Variants in ZNF407 observed in about 807,000 individuals in gnomAD.
ZNF407 encodes zinc finger protein 407.
Under a neutral mutation model 131.2 loss-of-function variants are expected in ZNF407, and 17 were observed. That is an observed-to-expected ratio of 0.13 (90% confidence interval 0.09 to 0.19). The LOEUF (loss-of-function observed/expected upper bound fraction) is 0.19, where lower values mean the gene tolerates loss of function less well. Among genes scored for constraint, ZNF407 ranks in the 10% least tolerant of loss-of-function variants. The probability of loss-of-function intolerance (pLI) is 1.00; values close to 1 mark genes in which losing one functional copy is unlikely to be tolerated. For synonymous variants in ZNF407, 1,156 were observed against 1,062.0 expected, an observed-to-expected ratio of 1.09 and a Z score of -1.72; for missense variants, 2,681 against 2,830.6, an observed-to-expected ratio of 0.95 and a Z score of 1.20.
chr18:75,024,160 A>G (rs1599299156), intron 8 of ZNF407, among the ~76,000 whole-genome samples: 1 of 152,208 alleles, frequency 6.6e-6, no homozygotes, highest in East Asian at 1.9e-4. Flanking sequence ...GAGGATTTCA[A>G]TTATGTTTTC....
intron 3 of ZNF407, among the ~76,000 whole-genome samples, chr18:74,735,446 T>A (rs541821325): frequency 1.3e-5 from 2 of 152,264 alleles, no homozygotes; most frequent in African/African-American, 4.8e-5. Context: ...TTAATAAAAT[T>A]CCCCATCTCT....
At chr18:74,655,060 G>T (rs1469915772) in intron 3 of ZNF407, among the ~76,000 whole-genome samples, 1 of 151,694 alleles carries the variant, frequency 6.6e-6, no homozygotes, top group Non-Finnish European at 1.5e-5. Flanking sequence ...ATTTATTTTA[G>T]TTTGTTCCAA....
chr18:74,947,236 C>T (rs978775468), intron 8 of ZNF407, among the ~76,000 whole-genome samples: 6 of 152,164 alleles, frequency 3.9e-5, no homozygotes, highest in Admixed American at 6.5e-5. Context: ...ATGTAGTTTG[C>T]TTCCTCCCCT....
At chr18:74,700,641 AT>A (rs532946879) in intron 3 of ZNF407, among the ~76,000 whole-genome samples, 115 of 152,268 alleles carry the variant, frequency 7.6e-4, no homozygotes, top group Non-Finnish European at 1.4e-3. Context: ...ATTCTATAAA[AT>A]AGTTTCTGTG....
intron 8 of ZNF407, among the ~76,000 whole-genome samples, chr18:75,036,347 T>C (rs913095516): frequency 6.6e-6 from 1 of 151,852 alleles, no homozygotes; most frequent in African/African-American, 2.4e-5. Context: ...TGGAGGGAAG[T>C]GTGACCTGAC....
At chr18:74,938,349 G>C (rs1038353124) in intron 8 of ZNF407, among the ~76,000 whole-genome samples, 1 of 152,146 alleles carries the variant, frequency 6.6e-6, no homozygotes, top group African/African-American at 2.4e-5. Flanking sequence ...TAGACTTTCT[G>C]TATCTGCTGC....
At chr18:74,901,251 C>T (rs556642477) in intron 7 of ZNF407, among the ~76,000 whole-genome samples, 20 of 152,272 alleles carry the variant, frequency 1.3e-4, no homozygotes, top group African/African-American at 4.8e-4. Flanking sequence ...GTTGCTGCTT[C>T]GTTTCATTAT....
intron 3 of ZNF407, among the ~76,000 whole-genome samples, chr18:74,715,551 T>C (rs1275378638): frequency 6.6e-6 from 1 of 152,172 alleles, no homozygotes; most frequent in East Asian, 1.9e-4. Flanking sequence ...TGGCACTCAC[T>C]GGAGGACAGC....
At chr18:74,764,834 C>G (rs1303463630) in intron 3 of ZNF407, among the ~76,000 whole-genome samples, 1 of 152,138 alleles carries the variant, frequency 6.6e-6, no homozygotes, top group African/African-American at 2.4e-5. Context: ...ATATATTACT[C>G]TATTCTTTAA....
chr18:74,981,853 A>G (rs1399888187), intron 8 of ZNF407, among the ~76,000 whole-genome samples: 2 of 152,252 alleles, frequency 1.3e-5, no homozygotes, highest in Admixed American at 6.5e-5. Flanking sequence ...ATTCTAAAAT[A>G]TATGCCACAT....
intron 4 of ZNF407, chr18:74,803,904 T>C: frequency 6.5e-7 from 1 of 1,533,156 alleles, no homozygotes; most frequent in Non-Finnish European, 8.8e-7. Flanking sequence ...ACGAGAATGC[T>C]TTACAACGTG....
intron 1 of ZNF407, among the ~76,000 whole-genome samples, chr18:74,609,504 T>A (rs1982960893): frequency 6.6e-6 from 1 of 152,160 alleles, no homozygotes; most frequent in Non-Finnish European, 1.5e-5. Flanking sequence ...AGTAAAAATA[T>A]GGTATAAAAG....
At chr18:74,981,297 G>A (rs1347792646) in intron 8 of ZNF407, among the ~76,000 whole-genome samples, 3 of 152,200 alleles carry the variant, frequency 2.0e-5, no homozygotes, top group African/African-American at 7.2e-5. Flanking sequence ...GCAGTGCCCT[G>A]GGCAGCCGGA....
intron 8 of ZNF407, among the ~76,000 whole-genome samples, chr18:74,969,759 G>C (rs1373515345): frequency 2.0e-5 from 3 of 152,156 alleles, no homozygotes; most frequent in African/African-American, 7.2e-5. Flanking sequence ...ACGGACCTTG[G>C]GGTAGGAGTA....
chr18:74,840,639 G>A (rs1970619374), intron 4 of ZNF407, among the ~76,000 whole-genome samples: 1 of 151,900 alleles, frequency 6.6e-6, no homozygotes, highest in South Asian at 2.1e-4. Flanking sequence ...TCAGCTCCCC[G>A]AGTTGCTGGC....
chr18:74,975,183 T>G (rs1238222059), intron 8 of ZNF407, among the ~76,000 whole-genome samples: 1 of 152,258 alleles, frequency 6.6e-6, no homozygotes, highest in Non-Finnish European at 1.5e-5. Flanking sequence ...TGCTGAAATA[T>G]GCTTTTAATT....
chr18:74,602,025 A>AT (rs1432709858), intron 1 of ZNF407, among the ~76,000 whole-genome samples: 6 of 152,168 alleles, frequency 3.9e-5, no homozygotes, highest in Admixed American at 1.3e-4. Flanking sequence ...ATCTGTATAT[A>AT]TTTTTTGTAG....
chr18:74,978,081 G>T (rs1972548177), intron 8 of ZNF407, among the ~76,000 whole-genome samples: 1 of 152,264 alleles, frequency 6.6e-6, no homozygotes, highest in Admixed American at 6.5e-5. Flanking sequence ...ATCAAATCAG[G>T]TTGTTTAACG....
intron 8 of ZNF407, among the ~76,000 whole-genome samples, chr18:75,051,354 C>G (rs1973498498): frequency 6.6e-6 from 1 of 152,192 alleles, no homozygotes; most frequent in Non-Finnish European, 1.5e-5. Flanking sequence ...TGCATTCTTC[C>G]TGTGCTCACT....
Sources: allele counts gnomAD v4.1 joint callset (sites outside exome capture counted in the v4.1 genomes callset), GRCh38; gene constraint gnomAD v4.1.1; transcripts MANE v1.5; gene names NCBI Gene and HGNC (gene_info 2026-07-23, HGNC 2026-07-21).